The following TDP1 variants were observed in gnomAD, a reference collection of about 807,000 sequenced individuals.
The protein encoded by TDP1 is tyr-DNA phosphodiesterase 1.
A neutral mutation model predicts 81.5 loss-of-function variants in TDP1; 64 were observed. The ratio of observed to expected loss-of-function variants is 0.79; its 90% CI spans 0.64 to 0.97. The LOEUF is 0.97. Ranked by LOEUF, TDP1 falls within the 50% of genes least tolerant of loss-of-function variation. The pLI, the probability that TDP1 is intolerant of heterozygous loss-of-function variation, is 0.00. For missense variants in TDP1, 723 were observed against 743.8 expected (o/e 0.97, Z 0.33); for synonymous variants, 256 against 264.3 (o/e 0.97, Z 0.30).
intron 5 of TDP1, among the ~76,000 whole-genome samples, chr14:89,970,118 T>C (rs35211637): frequency 0.095 from 14,363 of 151,940 alleles, 1,739 homozygotes; most frequent in African/African-American, 0.28. Flanking sequence ...CCTCGTGATC[T>C]GCCCGCCTCG....
At position 89,975,763 on chromosome 14, in the gene TDP1, A is replaced by C; in HGVS notation, c.757-18A>C. 6.2e-7 allele frequency: 1 copy of C among 1,605,912 alleles called. No individual in the cohort carries two copies. Among genetic ancestry groups the C allele is most frequent in the Non-Finnish European group, 8.5e-7 (1 of 1,172,646 alleles). On this transcript the variant is annotated intron_variant, in intron 6 of 16. Transcript: ENST00000335725. ...TTAGTGAGTTGTTTTTAAATAAATGACTTCTTTTTCATCCTAGGCAAAGTT... is the reference window on the plus strand; with the variant it reads ...TTAGTGAGTTGTTTTTAAATAAATGCCTTCTTTTTCATCCTAGGCAAAGTT...
intron 9 of TDP1, 150 bp from the exon 10 acceptor site, chr14:89,984,982 T>C: frequency 7.1e-7 from 1 of 1,413,572 alleles, no homozygotes; most frequent in South Asian, 1.4e-5. Context: ...TTGATTTGCT[T>C]GAAAATGAAT....
intron 9 of TDP1, 185 bp from the exon 10 acceptor site, chr14:89,984,947 C>T: frequency 1.0e-6 from 1 of 974,314 alleles, no homozygotes; most frequent in Non-Finnish European, 1.2e-6. Flanking sequence ...TGGTACTTTA[C>T]ATCTTGTAGG....
At chr14:90,040,178 C>A (rs1888224838) in intron 16 of TDP1, among the ~76,000 whole-genome samples, 1 of 152,160 alleles carries the variant, frequency 6.6e-6, no homozygotes, top group Non-Finnish European at 1.5e-5. Context: ...TGTTCATCTT[C>A]CCAGTTCTGG....
chr14:90,041,394 C>A (rs1201275437), intron 16 of TDP1, among the ~76,000 whole-genome samples: 1 of 152,218 alleles, frequency 6.6e-6, no homozygotes, highest in African/African-American at 2.4e-5. Context: ...TTCAGACCAT[C>A]CCAAAGCCAG....
At chr14:89,955,470 A>T (rs1427398102), upstream of TDP1, 1 of 152,236 alleles carries the variant, frequency 6.6e-6, no homozygotes, top group Non-Finnish European at 1.5e-5. Flanking sequence ...TGTTGCGAAG[A>T]AGGAACAGAC....
chr14:89,966,657 C>G (rs2139973704), intron 4 of TDP1, among the ~76,000 whole-genome samples: 1 of 152,316 alleles, frequency 6.6e-6, no homozygotes, highest in African/African-American at 2.4e-5. Flanking sequence ...ATGTAATGGT[C>G]CAGACCCACA....
intron 15 of TDP1, among the ~76,000 whole-genome samples, chr14:90,030,843 G>A (rs1166086394): frequency 1.3e-5 from 2 of 151,212 alleles, no homozygotes; most frequent in African/African-American, 2.4e-5. Flanking sequence ...TTGGCTCACT[G>A]CAACCTCTGC....
intron 11 of TDP1, 41 bp from the exon 12 acceptor site, chr14:89,989,676 A>G (rs755756523): frequency 5.4e-6 from 8 of 1,482,894 alleles, no homozygotes; most frequent in Admixed American, 5.0e-5. Flanking sequence ...TTTCTTCAAC[A>G]TGGTACATTC....
intron 14 of TDP1, among the ~76,000 whole-genome samples, chr14:89,994,274 C>T (rs1162874160): frequency 1.3e-5 from 2 of 152,136 alleles, no homozygotes; most frequent in African/African-American, 2.4e-5. Context: ...ATCTTCTTGG[C>T]GAGAGAGAAA....
intron 3 of TDP1, 30 bp from the exon 4 acceptor site, chr14:89,966,117 G>T: frequency 6.7e-7 from 1 of 1,503,048 alleles, no homozygotes. Context: ...TTTTGTGAGT[G>T]TGAATTTGAT....
chr14:89,964,437 A>G (rs1196570566), intron 3 of TDP1, among the ~76,000 whole-genome samples: 1 of 152,212 alleles, frequency 6.6e-6, no homozygotes, highest in Non-Finnish European at 1.5e-5. Context: ...GGAAATGCAG[A>G]AAAATGGGAG....
rs112465917 is a variant in TDP1, at chr14:89,999,695, C to T, written c.1541+6212C>T. Among the ~76,000 whole-genome samples the T allele has an allele frequency of 6.0e-3, 908 of 152,222 alleles. 6 individuals are homozygous for T. Among genetic ancestry groups the T allele is most frequent in the African/African-American group, 0.021 (871 of 41,534 alleles). Reference sequence around the variant, plus strand: ...ATAGACTTTAAAAAATAATCTAGAGCTGCATATCCAAAAAAGTATTATGAT... The same window carrying T: ...ATAGACTTTAAAAAATAATCTAGAGTTGCATATCCAAAAAAGTATTATGAT... On this transcript the variant is annotated intron_variant, in intron 14 of 16. Coordinates refer to ENST00000335725, the MANE Select transcript of TDP1 (RefSeq NM_018319.4).
rs1888541675 is a variant in TDP1, at chr14:90,043,251, AC to A, written c.*109del. On this transcript the variant is annotated 3_prime_UTR_variant, in exon 17 of 17. Coordinates refer to ENST00000335725, the MANE Select transcript of TDP1 (RefSeq NM_018319.4). ...CCCTTAAAGTCTTATTTGCACCCTTACAAAATCTTTCCAAAGGTCACTCTTA... is the reference window on the plus strand; with the variant it reads ...CCCTTAAAGTCTTATTTGCACCCTTAAAAATCTTTCCAAAGGTCACTCTTA... 1.4e-6 allele frequency: 2 copies of A among 1,389,150 alleles called. No homozygotes were observed. Among genetic ancestry groups the A allele is most frequent in the Non-Finnish European group, 2.0e-6 (2 of 990,638 alleles). 86.1% of individuals were successfully genotyped at this position (1,389,150 alleles called of 1,614,324 possible). A position where few individuals can be genotyped will look rare whatever the true frequency, so the allele number is the denominator to read the frequency against.
In TDP1 at chr14:89,967,361, A is replaced by G; in HGVS notation, c.604-6A>G. 1 of 1,613,864 alleles carries G rather than the reference A, an allele frequency of 6.2e-7. No individual in the cohort carries two copies. The highest frequency in any genetic ancestry group is 8.5e-7 in the Non-Finnish European group (1 of 1,179,784). On this transcript the variant is annotated splice_polypyrimidine_tract_variant and splice_region_variant and intron_variant, in intron 4 of 16. Coordinates refer to ENST00000335725, the MANE Select transcript of TDP1 (RefSeq NM_018319.4). ...GGCTTAGTTACTCTTCTTTTCTCCC[A>G]TCTAGTTTAACTACTGCTTTGACGT...
At chr14:89,999,700 T>C (rs1023240025) in intron 14 of TDP1, among the ~76,000 whole-genome samples, 3 of 152,176 alleles carry the variant, frequency 2.0e-5, no homozygotes, top group African/African-American at 7.2e-5. Flanking sequence ...TAGAGCTGCA[T>C]ATCCAAAAAA....
At chr14:89,973,310 G>A (rs892175483) in intron 6 of TDP1, among the ~76,000 whole-genome samples, 5 of 152,214 alleles carry the variant, frequency 3.3e-5, no homozygotes, top group Non-Finnish European at 7.3e-5. Context: ...CAGAAATCCT[G>A]AAAACCAGTG....
intron 2 of TDP1, 187 bp downstream of exon 2, chr14:89,956,987 GTCT>G (rs959219401): frequency 7.9e-5 from 12 of 152,166 alleles, no homozygotes; most frequent in African/African-American, 2.4e-4. Context: ...TCTTTAACAA[GTCT>G]TCTCCCCTCA....
At position 89,986,780 on chromosome 14, in the gene TDP1, A is replaced by G. The variant is rs35255935; in HGVS notation, c.1131+1570A>G. ...ACACCATGCTGTACCCAAGGTGGACATGGAAACTTTGGGCTTTTTGGGAAG... is the reference window on the plus strand; with the variant it reads ...ACACCATGCTGTACCCAAGGTGGACGTGGAAACTTTGGGCTTTTTGGGAAG... On this transcript the variant is annotated intron_variant, in intron 10 of 16. Coordinates refer to ENST00000335725, the MANE Select transcript of TDP1 (RefSeq NM_018319.4). Among the ~76,000 whole-genome samples, 488 of 152,344 alleles carry G rather than the reference A, an allele frequency of 3.2e-3. 21 individuals are homozygous for G. In the East Asian group the frequency reaches 0.057, roughly 18 times the overall value.
Sources: allele counts gnomAD v4.1 joint callset (sites outside exome capture counted in the v4.1 genomes callset), GRCh38; gene constraint gnomAD v4.1.1; transcripts MANE v1.5; gene names NCBI Gene and HGNC (gene_info 2026-07-23, HGNC 2026-07-21).